The following TECTB variants were observed in gnomAD, a reference collection of about 807,000 sequenced individuals.
TECTB encodes tectorin beta, also known as beta-tectorin.
A neutral mutation model predicts 43.3 loss-of-function variants in TECTB; 45 were observed. The observed-to-expected ratio is 1.04, with a 90% CI of 0.82 to 1.33. TECTB has a LOEUF of 1.33. TECTB is among the 40% of genes most tolerant of loss of function. The pLI, the probability that TECTB is intolerant of heterozygous loss-of-function variation, is 0.00. For missense variants in TECTB, 399 were observed against 404.7 expected (o/e 0.99, Z 0.12); for synonymous variants, 169 against 156.7 (o/e 1.08, Z -0.59).
At chr10:112,294,709 C>A (rs1196489632) in intron 7 of TECTB, among the ~76,000 whole-genome samples, 2 of 152,046 alleles carry the variant, frequency 1.3e-5, no homozygotes, top group African/African-American at 2.4e-5. Context: ...GGGAGAAAAA[C>A]CAGATTAGAG....
intron 5 of TECTB, 98 bp from the exon 6 acceptor site, chr10:112,293,640 G>C: frequency 9.5e-7 from 1 of 1,050,086 alleles, no homozygotes; most frequent in South Asian, 1.3e-5. Context: ...TCTTTGGGTT[G>C]ATTCTCATCC....
chr10:112,294,062 G>A lies in TECTB; in HGVS notation c.671+1G>A. On this transcript the variant is annotated splice_donor_variant, in intron 7 of 10. Coordinates refer to ENST00000646139, the MANE Select transcript of TECTB (RefSeq NM_058222.3). LOFTEE classifies it high-confidence loss of function. ...TGCAGTGGCAGCTGATCAACAAGGG[G>A]TAGGTACACTATCTAGAGACAGGGC... 6.2e-7 allele frequency: 1 copy of A among 1,613,706 alleles called. No individual in the cohort carries two copies.
chr10:112,283,503 G>A lies in TECTB; in HGVS notation c.-88+7G>A. The A allele has an allele frequency of 5.5e-6, 3 of 540,952 alleles. No individual in the cohort carries two copies. The highest frequency in any genetic ancestry group is 6.9e-5 in the Admixed American group (2 of 28,928). The allele number at this position is 540,952 out of a possible 1,614,324, so 33.5% of individuals were successfully genotyped here. A position where few individuals can be genotyped will look rare whatever the true frequency, so the allele number is the denominator to read the frequency against. ...GTCATTGACGCTTCCAACGGTATGA[G>A]CCCCACTTTTTGCCTCTCAGCGCTA... On this transcript the variant is annotated splice_region_variant and intron_variant, in intron 1 of 10. Coordinates refer to ENST00000646139, the MANE Select transcript of TECTB (RefSeq NM_058222.3).
rs565215339 is a variant in TECTB, at chr10:112,299,562, G to A, written c.905G>A (p.Arg302Gln). 5.5e-5 allele frequency: 87 copies of A among 1,582,498 alleles called. 1 individual carries two copies. The Middle Eastern group carries it at 1.7e-3, about 30-fold the overall frequency. Residue 302 changes from arginine (R) to glutamine (Q), a missense_variant and splice_region_variant, in exon 9 of 11, where the codon CGG (arginine) becomes CAG (glutamine). By Grantham distance (43) the Arg-to-Gln change is conservative. Coordinates refer to ENST00000646139, the MANE Select transcript of TECTB (RefSeq NM_058222.3). ...GGVLVVELSL[R>Q]SRGFSSLYSF... ...GTCCTGGTCGTGGAGCTCTCCCTGCGGAGTAAGCGTCTCTGTTTTCCTCTG... is the reference window on the plus strand; with the variant it reads ...GTCCTGGTCGTGGAGCTCTCCCTGCAGAGTAAGCGTCTCTGTTTTCCTCTG...
chr10:112,304,372 T>C lies in TECTB; in HGVS notation c.*1060T>C, dbSNP rs1848635616. The C allele has an allele frequency of 6.6e-6, 1 of 152,242 alleles. No individual in the cohort carries two copies. The allele number at this position is 152,242 out of a possible 1,614,324, so 9.4% of individuals were successfully genotyped here. A position where few individuals can be genotyped will look rare whatever the true frequency, so the allele number is the denominator to read the frequency against. On this transcript the variant is annotated 3_prime_UTR_variant, in exon 11 of 11. Coordinates refer to ENST00000646139, the MANE Select transcript of TECTB (RefSeq NM_058222.3). ...GCTAACACAAAATCAGAAACACAAATGCAAATGCAGCCAATGAAAGCATGC... is the reference window on the plus strand; with the variant it reads ...GCTAACACAAAATCAGAAACACAAACGCAAATGCAGCCAATGAAAGCATGC...
chr10:112,301,108 T>C (rs1323727207), intron 9 of TECTB, among the ~76,000 whole-genome samples: 4 of 152,208 alleles, frequency 2.6e-5, no homozygotes, highest in African/African-American at 4.8e-5. Flanking sequence ...AACAACAATA[T>C]TTCGTGACAT....
chr10:112,286,001 C>T, intron 3 of TECTB, 70 bp from the exon 4 acceptor site: 1 of 1,590,484 alleles, frequency 6.3e-7, no homozygotes, highest in African/African-American at 1.3e-5. Flanking sequence ...TCTTCTTGCA[C>T]TTTTCCCAGA....
chr10:112,298,889 C>T (rs1159318405), intron 8 of TECTB, among the ~76,000 whole-genome samples: 2 of 152,162 alleles, frequency 1.3e-5, no homozygotes, highest in Non-Finnish European at 2.9e-5. Context: ...AACTGGAGAC[C>T]TCGGTGTTTC....
intron 9 of TECTB, among the ~76,000 whole-genome samples, chr10:112,299,884 C>T (rs947868567): frequency 1.3e-5 from 2 of 151,858 alleles, no homozygotes; most frequent in South Asian, 2.1e-4. Context: ...GTCATGGGGC[C>T]GGGCTCGGTG....
At chr10:112,303,083 C>A in intron 10 of TECTB, 180 bp from the exon 11 acceptor site, 1 of 652,042 alleles carries the variant, frequency 1.5e-6, no homozygotes, top group Non-Finnish European at 2.7e-6. Context: ...CTAGGTTTAT[C>A]TGTCAGGTTC....
chr10:112,300,236 A>AAGAAAG (rs1246954251), intron 9 of TECTB, among the ~76,000 whole-genome samples: 1 of 32,280 alleles, frequency 3.1e-5, no homozygotes, highest in Admixed American at 4.4e-4. Flanking sequence ...GAAATAAAGA[A>AAGAAAG]AGAAAGAAAG....
chr10:112,293,713 G>T, intron 5 of TECTB, 25 bp from the exon 6 acceptor site: 1 of 1,601,262 alleles, frequency 6.2e-7, no homozygotes, highest in Non-Finnish European at 8.6e-7. Context: ...AGTTCATAAT[G>T]CCCAGTGTCA....
At position 112,303,396 on chromosome 10, in the gene TECTB, C is replaced by T. The variant is rs1444130588; in HGVS notation, c.*84C>T. 5 of 1,537,802 alleles carry T rather than the reference C, an allele frequency of 3.3e-6. No individual in the cohort carries two copies. The East Asian group carries it at 9.0e-5, about 28-fold the overall frequency. ...ACATTTATTGTGCTGCCAAAAAGAA[C>T]AAACAGAAGACCACATTGTTGGGGG... On this transcript the variant is annotated 3_prime_UTR_variant, in exon 11 of 11. Transcript: ENST00000646139.
chr10:112,301,320 T>G (rs1400072379), intron 9 of TECTB, among the ~76,000 whole-genome samples: 2 of 150,430 alleles, frequency 1.3e-5, no homozygotes, highest in Non-Finnish European at 2.9e-5. Flanking sequence ...GGCCAGAGAA[T>G]CACTTGAACC....
chr10:112,293,827 AG>A lies in TECTB; in HGVS notation c.576del (p.Leu193Ter). The A allele has an allele frequency of 6.2e-7, 1 of 1,614,180 alleles. No individual in the cohort carries two copies. Among genetic ancestry groups the A allele is most frequent in the Non-Finnish European group, 8.5e-7 (1 of 1,180,008 alleles). On this transcript the variant is annotated frameshift_variant, in exon 6 of 11. Coordinates refer to ENST00000646139, the MANE Select transcript of TECTB (RefSeq NM_058222.3). LOFTEE classifies it high-confidence loss of function. Reference sequence around the variant, plus strand: ...ATCTGTTTGCAGGAGTGGAAGCCAAAGGGTTAAGCATTAGGTAAGTACATTT... The same window carrying A: ...ATCTGTTTGCAGGAGTGGAAGCCAAAGGTTAAGCATTAGGTAAGTACATTT... ...SDLFAGVEAKGLSIRFKVVLN... is the reference protein window; with the variant it reads ...SDLFAGVEAKXLSIRFKVVLN...
rs1361291056 is a variant in TECTB at position 112,300,279 on chromosome 10, A to AAAGAAAGAAAGAAAGAAAGAAAG, written c.907+717_907+718insGAAAGAAAGAAAGAAAGAAAGAA. Among the ~76,000 whole-genome samples, 62 of 48,362 alleles carry AAAGAAAGAAAGAAAGAAAGAAAG rather than the reference A, an allele frequency of 1.3e-3. 3 individuals are homozygous for AAAGAAAGAAAGAAAGAAAGAAAG. Among genetic ancestry groups the AAAGAAAGAAAGAAAGAAAGAAAG allele is most frequent in the African/African-American group, 3.2e-3 (36 of 11,234 alleles). The allele number at this position is 48,362 out of a possible 152,430, so 31.7% of individuals were successfully genotyped here. ...GAAAGAAAGAAAGAAAGAAAGAAAGAAAAGAAAGAAAGAAAGAAAGAAAGA... is the reference window on the plus strand; with the variant it reads ...GAAAGAAAGAAAGAAAGAAAGAAAGAAAGAAAGAAAGAAAGAAAGAAAGAAAGAAAGAAAGAAAGAAAGAAAGA... On this transcript the variant is annotated intron_variant, in intron 9 of 10. Coordinates refer to ENST00000646139, the MANE Select transcript of TECTB (RefSeq NM_058222.3).
chr10:112,303,404 A>G lies in TECTB; in HGVS notation c.*92A>G. ...TGTGCTGCCAAAAAGAACAAACAGAAGACCACATTGTTGGGGGGCAGAGAA... is the reference window on the plus strand; with the variant it reads ...TGTGCTGCCAAAAAGAACAAACAGAGGACCACATTGTTGGGGGGCAGAGAA... On this transcript the variant is annotated 3_prime_UTR_variant, in exon 11 of 11. Coordinates refer to ENST00000646139, the MANE Select transcript of TECTB (RefSeq NM_058222.3). The G allele has an allele frequency of 1.3e-6, 2 of 1,513,078 alleles. No individual in the cohort carries two copies. Among genetic ancestry groups the G allele is most frequent in the Non-Finnish European group, 9.2e-7 (1 of 1,089,008 alleles). 93.7% of individuals were successfully genotyped at this position (1,513,078 alleles called of 1,614,324 possible). A position where few individuals can be genotyped will look rare whatever the true frequency, so the allele number is the denominator to read the frequency against.
At chr10:112,298,363 T>C (rs1848567508) in intron 8 of TECTB, 132 bp downstream of exon 8, 11 of 1,184,756 alleles carry the variant, frequency 9.3e-6, no homozygotes, top group Middle Eastern at 2.4e-4. Context: ...GAAATGGCAC[T>C]GAGTATAAGG....
chr10:112,291,862 C>T (rs1054792224), intron 5 of TECTB, among the ~76,000 whole-genome samples: 2 of 152,170 alleles, frequency 1.3e-5, no homozygotes, highest in East Asian at 1.9e-4. Context: ...ACAGGCTGGG[C>T]GCAGTGGCTC....
Sources: allele counts gnomAD v4.1 joint callset (sites outside exome capture counted in the v4.1 genomes callset), GRCh38; gene constraint gnomAD v4.1.1; transcripts MANE v1.5; gene names NCBI Gene and HGNC (gene_info 2026-07-23, HGNC 2026-07-21).